Variants in GALNT13 observed in about 807,000 individuals in gnomAD.
The protein encoded by GALNT13 is polypeptide N-acetylgalactosaminyltransferase 13.
GALNT13 carries 28 observed loss-of-function variants against 64.2 expected under a neutral mutation model. That is an observed-to-expected ratio of 0.44 (90% confidence interval 0.32 to 0.60). The LOEUF (loss-of-function observed/expected upper bound fraction) is 0.60, where lower values mean the gene tolerates loss of function less well. Among genes scored for constraint, GALNT13 ranks in the 20% least tolerant of loss-of-function variants. The pLI is 0.05. For missense variants in GALNT13, 577 were observed against 669.8 expected (o/e 0.86, Z 1.53); for synonymous variants, 214 against 224.6 (o/e 0.95, Z 0.42).
At chr2:153,263,015 CT>C in the GALNT13 span, among the ~76,000 whole-genome samples, 2 of 151,916 alleles carry the variant, frequency 1.3e-5, no homozygotes, top group South Asian at 2.1e-4. Flanking sequence ...TAAATTGTCT[CT>C]GTATAGATAT....
intron 3 of GALNT13, among the ~76,000 whole-genome samples, chr2:153,975,670 TAAATG>T (rs1694029835): frequency 6.6e-6 from 1 of 152,106 alleles, no homozygotes; most frequent in Admixed American, 6.6e-5. Flanking sequence ...TTCTCATCAT[TAAATG>T]ATTCAATAGA....
At chr2:153,953,306 T>A (rs1249816429) in intron 3 of GALNT13, among the ~76,000 whole-genome samples, 1 of 152,188 alleles carries the variant, frequency 6.6e-6, no homozygotes, top group African/African-American at 2.4e-5. Flanking sequence ...AGAAAAAAGA[T>A]ACATACATTA....
the GALNT13 span, among the ~76,000 whole-genome samples, chr2:153,116,937 C>T: frequency 2.6e-5 from 4 of 151,012 alleles, no homozygotes; most frequent in East Asian, 3.9e-4. Flanking sequence ...GTAGCTGGGA[C>T]TACAGGCGCC....
chr2:153,680,729 G>A, the GALNT13 span, among the ~76,000 whole-genome samples: 1 of 151,760 alleles, frequency 6.6e-6, no homozygotes. Context: ...TGTCCATATG[G>A]CCCACATTCA....
chr2:153,858,401 T>C, the GALNT13 span, among the ~76,000 whole-genome samples: 3 of 152,136 alleles, frequency 2.0e-5, no homozygotes, highest in African/African-American at 7.2e-5. Context: ...AGATCTAACT[T>C]GGGTTTAATA....
chr2:154,361,268 A>G (rs1697053477), intron 9 of GALNT13, among the ~76,000 whole-genome samples: 1 of 152,146 alleles, frequency 6.6e-6, no homozygotes, highest in Non-Finnish European at 1.5e-5. Context: ...GTTTATATGC[A>G]TATATAGCAT....
chr2:153,936,020 C>T (rs1335177778), intron 2 of GALNT13, among the ~76,000 whole-genome samples: 1 of 152,162 alleles, frequency 6.6e-6, no homozygotes, highest in Non-Finnish European at 1.5e-5. Context: ...ACAAAATATA[C>T]AGAGACTCAT....
chr2:153,160,121 G>A, the GALNT13 span, among the ~76,000 whole-genome samples: 2 of 152,162 alleles, frequency 1.3e-5, no homozygotes, highest in Non-Finnish European at 2.9e-5. Flanking sequence ...ATCTTGTGAG[G>A]CTCAGTTTTA....
intron 4 of GALNT13, among the ~76,000 whole-genome samples, chr2:154,145,070 C>CTCTATCTA (rs57991813): frequency 5.5e-4 from 75 of 136,224 alleles, no homozygotes; most frequent in East Asian, 4.3e-3. Flanking sequence ...CTCTCTCTCT[C>CTCTATCTA]TCTATCTATC....
the GALNT13 span, among the ~76,000 whole-genome samples, chr2:153,552,681 T>C: frequency 1.4e-5 from 2 of 143,724 alleles, no homozygotes; most frequent in Non-Finnish European, 3.0e-5. Context: ...AAAGAAGCAA[T>C]GGTATGAAAT....
chr2:153,944,154 A>T (rs1691543540), intron 2 of GALNT13, among the ~76,000 whole-genome samples: 1 of 152,172 alleles, frequency 6.6e-6, no homozygotes, highest in Non-Finnish European at 1.5e-5. Flanking sequence ...AACTTAAAGG[A>T]ATCAAGTAGT....
intron 3 of GALNT13, among the ~76,000 whole-genome samples, chr2:154,088,887 A>T (rs1269218110): frequency 6.6e-6 from 1 of 152,158 alleles, no homozygotes; most frequent in South Asian, 2.1e-4. Context: ...CCTGGGGCAT[A>T]AATTTATCCA....
chr2:153,554,606 G>T, the GALNT13 span, among the ~76,000 whole-genome samples: 3 of 152,048 alleles, frequency 2.0e-5, no homozygotes, highest in Non-Finnish European at 4.4e-5. Context: ...CCAAATATTA[G>T]TGTCTCAGAA....
chr2:153,568,102 C>A, the GALNT13 span, among the ~76,000 whole-genome samples: 2 of 152,294 alleles, frequency 1.3e-5, no homozygotes, highest in Admixed American at 1.3e-4. Flanking sequence ...ATAGATTGAG[C>A]TCTGAAATTC....
At chr2:154,186,789 G>A (rs1381195557) in intron 4 of GALNT13, among the ~76,000 whole-genome samples, 1 of 152,090 alleles carries the variant, frequency 6.6e-6, no homozygotes, top group African/African-American at 2.4e-5. Flanking sequence ...TTAGAAGAAT[G>A]TGTTGCATTA....
At chr2:153,407,980 C>T in the GALNT13 span, among the ~76,000 whole-genome samples, 4,763 of 152,204 alleles carry the variant, frequency 0.031, 96 homozygotes, top group Middle Eastern at 0.065. Flanking sequence ...GCGTGATTTA[C>T]AGTAAAAAAT....
intron 11 of GALNT13, among the ~76,000 whole-genome samples, chr2:154,434,060 C>T (rs1700822759): frequency 6.6e-6 from 1 of 152,140 alleles, no homozygotes; most frequent in South Asian, 2.1e-4. Flanking sequence ...GAGAAGATCC[C>T]TCTTACAAGC....
At chr2:154,071,542 A>G (rs1215823216) in intron 3 of GALNT13, among the ~76,000 whole-genome samples, 1 of 152,176 alleles carries the variant, frequency 6.6e-6, no homozygotes, top group Non-Finnish European at 1.5e-5. Context: ...CTATGTTAGC[A>G]CAGTTAGTCC....
the GALNT13 span, among the ~76,000 whole-genome samples, chr2:153,377,892 T>G: frequency 6.6e-6 from 1 of 152,244 alleles, no homozygotes; most frequent in East Asian, 1.9e-4. Context: ...CAAATTACTT[T>G]TCTTAAATAT....
Sources: gnomAD v4.1 joint callset for allele counts (sites outside exome capture counted in the v4.1 genomes callset) on GRCh38, gnomAD v4.1.1 for gene constraint, MANE v1.5 for transcripts, NCBI Gene and HGNC (gene_info 2026-07-23, HGNC 2026-07-21) for gene names.